CNTN3: variants seen among roughly 807,000 people sequenced by gnomAD.
CNTN3 encodes contactin 3.
CNTN3 carries 60 observed loss-of-function variants against 119.1 expected under a neutral mutation model. The observed-to-expected ratio is 0.50, with a 90% CI of 0.41 to 0.62. The LOEUF is 0.62. Among genes scored for constraint, CNTN3 ranks in the 20% least tolerant of loss-of-function variants. The probability of loss-of-function intolerance (pLI) is 0.00; values close to 1 mark genes in which losing one functional copy is unlikely to be tolerated. For missense variants in CNTN3, 1,101 were observed against 1,242.4 expected, an observed-to-expected ratio of 0.89 and a Z score of 1.71; for synonymous variants, 450 against 438.7, an observed-to-expected ratio of 1.03 and a Z score of -0.32.
intron 1 of CNTN3, among the ~76,000 whole-genome samples, chr3:74,601,663 T>C (rs994187388): frequency 6.6e-6 from 1 of 152,072 alleles, no homozygotes; most frequent in African/African-American, 2.4e-5. Flanking sequence ...CCCTTTTTTG[T>C]ATTTATGCTT....
intron 5 of CNTN3, among the ~76,000 whole-genome samples, chr3:74,413,810 G>GA (rs1299485733): frequency 2.6e-5 from 4 of 152,062 alleles, no homozygotes; most frequent in Admixed American, 6.6e-5. Context: ...ATTTAATGAG[G>GA]AAAAACAGGT....
At chr3:74,308,657 G>T (rs1702613927) in intron 13 of CNTN3, among the ~76,000 whole-genome samples, 1 of 151,840 alleles carries the variant, frequency 6.6e-6, no homozygotes, top group Admixed American at 6.6e-5. Context: ...TGATTTTGAT[G>T]GAGTAAGAAT....
At chr3:74,584,711 T>C (rs926138055) in intron 1 of CNTN3, among the ~76,000 whole-genome samples, 3 of 152,204 alleles carry the variant, frequency 2.0e-5, no homozygotes, top group African/African-American at 7.2e-5. Context: ...GTCTGCAATG[T>C]ACTTTGACGT....
chr3:74,601,961 G>C (rs1253332709), intron 1 of CNTN3, among the ~76,000 whole-genome samples: 2 of 152,068 alleles, frequency 1.3e-5, no homozygotes. Context: ...TGCAGATTGA[G>C]CAAAGTAACC....
rs145483794 is a variant in CNTN3 at position 74,324,452 on chromosome 3, G to C, written c.1668+10283C>G. On this transcript the variant is annotated intron_variant, in intron 13 of 22. Coordinates refer to ENST00000263665, the MANE Select transcript of CNTN3 (RefSeq NM_020872.3). ...TTGGCCTCAGCCTCCCAAAGTGCTG[G>C]AATTACAGGCTGAGCCACCACGCTC... 4.9e-4 allele frequency among the ~76,000 whole-genome samples: 75 copies of C among 152,204 alleles called. 5 individuals are homozygous for C. The East Asian group carries it at 0.015, about 30-fold the overall frequency.
intron 19 of CNTN3, among the ~76,000 whole-genome samples, chr3:74,294,066 T>C (rs964044998): frequency 1.3e-5 from 2 of 152,132 alleles, no homozygotes; most frequent in South Asian, 4.1e-4. Context: ...CATTTGAAGG[T>C]GTGTTGGCAA....
intron 4 of CNTN3, among the ~76,000 whole-genome samples, chr3:74,465,722 C>T (rs1007058178): frequency 1.3e-5 from 2 of 152,170 alleles, no homozygotes; most frequent in South Asian, 2.1e-4. Flanking sequence ...CCCTCCATTG[C>T]CCCACCCTGC....
chr3:74,392,051 G>A (rs1172068016), intron 5 of CNTN3, among the ~76,000 whole-genome samples: 2 of 152,114 alleles, frequency 1.3e-5, no homozygotes, highest in African/African-American at 4.8e-5. Flanking sequence ...TAGGCCCTGA[G>A]ATGGGGGAAA....
intron 1 of CNTN3, among the ~76,000 whole-genome samples, chr3:74,595,572 G>C (rs1704792397): frequency 6.6e-6 from 1 of 152,224 alleles, no homozygotes; most frequent in East Asian, 1.9e-4. Context: ...CATATAAACA[G>C]AACCAAAGAC....
chr3:74,337,828 TAGAC>T (rs1703433597), intron 11 of CNTN3, among the ~76,000 whole-genome samples: 1 of 151,988 alleles, frequency 6.6e-6, no homozygotes, highest in Admixed American at 6.6e-5. Flanking sequence ...CAGAAGGAGA[TAGAC>T]AGGGTGATAC....
At chr3:74,451,590 G>C (rs987305532) in intron 4 of CNTN3, among the ~76,000 whole-genome samples, 1 of 152,024 alleles carries the variant, frequency 6.6e-6, no homozygotes, top group Non-Finnish European at 1.5e-5. Flanking sequence ...GTCCTTGCCC[G>C]TGCCTATGTC....
intron 3 of CNTN3, among the ~76,000 whole-genome samples, chr3:74,497,506 G>A (rs956554188): frequency 2.6e-5 from 4 of 151,804 alleles, no homozygotes; most frequent in South Asian, 2.1e-4. Flanking sequence ...AGAATGAAAC[G>A]AGCTTCTCTT....
chr3:74,322,913 G>T (rs1350882686), intron 13 of CNTN3, among the ~76,000 whole-genome samples: 3 of 152,120 alleles, frequency 2.0e-5, no homozygotes, highest in Admixed American at 1.3e-4. Flanking sequence ...TACTATATGA[G>T]TCCAACAATA....
chr3:74,569,225 CA>C (rs928398470), intron 1 of CNTN3, among the ~76,000 whole-genome samples: 3 of 152,130 alleles, frequency 2.0e-5, no homozygotes, highest in African/African-American at 4.8e-5. Flanking sequence ...CTCATATTAC[CA>C]GAACTGTCTC....
At chr3:74,379,311 A>G (rs923513709) in intron 5 of CNTN3, among the ~76,000 whole-genome samples, 13 of 152,066 alleles carry the variant, frequency 8.5e-5, no homozygotes, top group Admixed American at 4.6e-4. Flanking sequence ...GTCCGCCACC[A>G]TGTCTGGCTA....
In CNTN3 at chr3:74,415,728, C is replaced by A. The variant is rs76725822; in HGVS notation, c.454+9117G>T. On this transcript the variant is annotated intron_variant, in intron 5 of 22. Transcript: ENST00000263665. ...AGAGCTGGGGAGCCTGCAGGCCAGG[C>A]AGTCTTTCGTCCTTAATCTCTGCCC... Among the ~76,000 whole-genome samples the A allele has an allele frequency of 7.4e-4, 112 of 152,284 alleles. 2 individuals are homozygous for A. In the East Asian group the frequency reaches 0.021, roughly 28 times the overall value.
intron 13 of CNTN3, among the ~76,000 whole-genome samples, chr3:74,317,282 T>C (rs1383116078): frequency 6.7e-6 from 1 of 150,310 alleles, no homozygotes; most frequent in Non-Finnish European, 1.5e-5. Context: ...GGGTCTTGAC[T>C]CTTTATCCAA....
intron 3 of CNTN3, among the ~76,000 whole-genome samples, chr3:74,492,349 C>A (rs1559630607): frequency 6.6e-6 from 1 of 152,046 alleles, no homozygotes. Context: ...GGGTTACTGG[C>A]CTACTTAAGG....
intron 3 of CNTN3, among the ~76,000 whole-genome samples, chr3:74,495,597 A>G (rs1703047054): frequency 6.6e-6 from 1 of 152,004 alleles, no homozygotes; most frequent in Admixed American, 6.6e-5. Context: ...CCTTCCTTAC[A>G]TCCACTCCTT....
Sources: gnomAD v4.1 joint callset for allele counts (sites outside exome capture counted in the v4.1 genomes callset) on GRCh38, gnomAD v4.1.1 for gene constraint, MANE v1.5 for transcripts, NCBI Gene and HGNC (gene_info 2026-07-23, HGNC 2026-07-21) for gene names.